COL23A1: variants seen among roughly 807,000 people sequenced by gnomAD.
The protein encoded by COL23A1 is collagen alpha-1(XXIII) chain.
A neutral mutation model predicts 99.3 loss-of-function variants in COL23A1; 97 were observed. That is an observed-to-expected ratio of 0.98 (90% confidence interval 0.83 to 1.16). The LOEUF (loss-of-function observed/expected upper bound fraction) is 1.16. Among genes scored for constraint, COL23A1 ranks in the 50% most tolerant of loss-of-function variants. The probability of loss-of-function intolerance (pLI) is 0.00; values close to 1 mark genes in which losing one functional copy is unlikely to be tolerated. For missense variants in COL23A1, 762 were observed against 757.4 expected (o/e 1.01, Z -0.07); for synonymous variants, 320 against 308.2 (o/e 1.04, Z -0.40).
At chr5:178,572,681 T>C (rs1282924317) in intron 1 of COL23A1, among the ~76,000 whole-genome samples, 1 of 152,144 alleles carries the variant, frequency 6.6e-6, no homozygotes, top group Non-Finnish European at 1.5e-5. Context: ...GGTATTTACA[T>C]CCAAGAGAAA....
chr5:178,443,831 G>A (rs933678904), intron 2 of COL23A1, among the ~76,000 whole-genome samples: 1 of 151,940 alleles, frequency 6.6e-6, no homozygotes, highest in Non-Finnish European at 1.5e-5. Flanking sequence ...TAAATAATGG[G>A]ACCTATGTAA....
At chr5:178,503,896 G>A (rs1014466610) in intron 2 of COL23A1, among the ~76,000 whole-genome samples, 2 of 152,216 alleles carry the variant, frequency 1.3e-5, no homozygotes, top group African/African-American at 4.8e-5. Flanking sequence ...CCCTGGGCTA[G>A]GTCCGGAGGG....
At chr5:178,479,812 T>A (rs1317649267) in intron 2 of COL23A1, among the ~76,000 whole-genome samples, 5 of 152,214 alleles carry the variant, frequency 3.3e-5, no homozygotes, top group Non-Finnish European at 7.3e-5. Context: ...ATGCCTCTCT[T>A]AATGACAGGA....
At chr5:178,242,834 C>T (rs980953544) in intron 25 of COL23A1, among the ~76,000 whole-genome samples, 41 of 152,200 alleles carry the variant, frequency 2.7e-4, no homozygotes, top group African/African-American at 9.9e-4. Flanking sequence ...ATCTGTCCGT[C>T]CACCCAACCA....
At chr5:178,322,308 G>A (rs1288546669) in intron 2 of COL23A1, among the ~76,000 whole-genome samples, 1 of 151,868 alleles carries the variant, frequency 6.6e-6, no homozygotes, top group Non-Finnish European at 1.5e-5. Flanking sequence ...TATTTTTTTT[G>A]TATTTTAGTA....
chr5:178,561,548 A>G (rs978616008), intron 1 of COL23A1, among the ~76,000 whole-genome samples: 4 of 152,190 alleles, frequency 2.6e-5, no homozygotes. Flanking sequence ...GAGGAACGCA[A>G]GCTTGGAAAA....
intron 2 of COL23A1, among the ~76,000 whole-genome samples, chr5:178,356,393 C>A (rs1581213814): frequency 6.6e-6 from 1 of 151,892 alleles, no homozygotes; most frequent in South Asian, 2.1e-4. Flanking sequence ...AAAGGCAAGG[C>A]GCAGCACAGG....
chr5:178,500,053 G>C (rs574850266), intron 2 of COL23A1, among the ~76,000 whole-genome samples: 1 of 152,146 alleles, frequency 6.6e-6, no homozygotes, highest in African/African-American at 2.4e-5. Context: ...CCTGGGAATG[G>C]AGAGAGGGTG....
At chr5:178,339,799 C>A (rs1475038642) in intron 2 of COL23A1, among the ~76,000 whole-genome samples, 2 of 152,146 alleles carry the variant, frequency 1.3e-5, no homozygotes, top group African/African-American at 2.4e-5. Context: ...CTTCTGAATG[C>A]CAGCTCTAGC....
intron 2 of COL23A1, among the ~76,000 whole-genome samples, chr5:178,554,667 T>A (rs1451388418): frequency 6.6e-6 from 1 of 152,050 alleles, no homozygotes; most frequent in African/African-American, 2.4e-5. Flanking sequence ...ACCACATGCT[T>A]CTGGTATTGC....
intron 2 of COL23A1, among the ~76,000 whole-genome samples, chr5:178,354,053 T>C (rs1215954255): frequency 2.0e-5 from 3 of 152,022 alleles, no homozygotes; most frequent in African/African-American, 7.2e-5. Context: ...GCAGGGGTGA[T>C]TGGCACCCAG....
At chr5:178,358,958 G>A (rs962853086) in intron 2 of COL23A1, among the ~76,000 whole-genome samples, 3 of 152,198 alleles carry the variant, frequency 2.0e-5, no homozygotes. Context: ...AATATTTGGT[G>A]TAAATTTTTG....
chr5:178,375,835 G>A lies in COL23A1; in HGVS notation c.362-68916C>T, dbSNP rs555223977. 8.5e-5 allele frequency among the ~76,000 whole-genome samples: 13 copies of A among 152,282 alleles called. No individual in the cohort carries two copies. The South Asian group carries it at 2.7e-3, about 32-fold the overall frequency. On this transcript the variant is annotated intron_variant, in intron 2 of 28. Transcript: ENST00000390654. ...TGATTCTTCTGCCTCAGTCTCCCGA[G>A]TAGCTGGGATTATAGGCGCCTGCCA... is the stretch of plus-strand genomic sequence containing the variant.
chr5:178,407,237 AG>A (rs1054151398), intron 2 of COL23A1, among the ~76,000 whole-genome samples: 1 of 152,202 alleles, frequency 6.6e-6, no homozygotes, highest in African/African-American at 2.4e-5. Context: ...AGTAACAAGG[AG>A]CCCCTCACCA....
intron 2 of COL23A1, among the ~76,000 whole-genome samples, chr5:178,462,397 G>A: frequency 6.6e-6 from 1 of 152,066 alleles, no homozygotes; most frequent in Admixed American, 6.5e-5. Flanking sequence ...TTGCATTTGA[G>A]GCTAAGATAA....
At chr5:178,505,993 T>C (rs1406859470) in intron 2 of COL23A1, among the ~76,000 whole-genome samples, 1 of 152,086 alleles carries the variant, frequency 6.6e-6, no homozygotes, top group Non-Finnish European at 1.5e-5. Flanking sequence ...CCCAAGTCCA[T>C]GGCTGTTGGG....
intron 7 of COL23A1, among the ~76,000 whole-genome samples, chr5:178,268,479 C>T (rs1049362717): frequency 3.9e-5 from 6 of 152,170 alleles, no homozygotes; most frequent in African/African-American, 1.4e-4. Flanking sequence ...CACCGGGCCT[C>T]CGAGTTTGGT....
intron 2 of COL23A1, among the ~76,000 whole-genome samples, chr5:178,330,105 G>T (rs749321871): frequency 2.6e-5 from 4 of 152,156 alleles, no homozygotes; most frequent in Admixed American, 1.3e-4. Context: ...GAGTATTCAG[G>T]GGGGAGAGAT....
At chr5:178,505,119 G>A (rs181216439) in intron 2 of COL23A1, among the ~76,000 whole-genome samples, 1 of 152,314 alleles carries the variant, frequency 6.6e-6, no homozygotes, top group Admixed American at 6.5e-5. Context: ...TGAGGGAGGG[G>A]TCTGGTCCAT....
Sources: gnomAD v4.1 joint callset for allele counts (sites outside exome capture counted in the v4.1 genomes callset) on GRCh38, gnomAD v4.1.1 for gene constraint, MANE v1.5 for transcripts, NCBI Gene and HGNC (gene_info 2026-07-23, HGNC 2026-07-21) for gene names.